The following MCPH1 variants were observed in gnomAD, a reference collection of about 807,000 sequenced individuals.
The protein encoded by MCPH1 is microcephalin.
A neutral mutation model predicts 84.5 loss-of-function variants in MCPH1; 104 were observed. The observed-to-expected ratio is 1.23, with a 90% CI of 1.05 to 1.45. MCPH1 has a LOEUF of 1.45. Among genes scored for constraint, MCPH1 ranks in the 40% most tolerant of loss-of-function variants. MCPH1 has a pLI of 0.00. For missense variants in MCPH1, 1,498 were observed against 1,005.7 expected (o/e 1.49, Z -6.62); for synonymous variants, 514 against 366.8 (o/e 1.40, Z -4.58).
At chr8:6,511,066 C>T (rs1248760858) in intron 12 of MCPH1, among the ~76,000 whole-genome samples, 5 of 152,196 alleles carry the variant, frequency 3.3e-5, no homozygotes, top group African/African-American at 1.2e-4. Context: ...TCTTTTAACT[C>T]TCTCTTGTCT....
At chr8:6,642,428 C>T (rs1192511857) in intron 13 of MCPH1, among the ~76,000 whole-genome samples, 1 of 152,000 alleles carries the variant, frequency 6.6e-6, no homozygotes, top group East Asian at 1.9e-4. Flanking sequence ...ATAAAATAGT[C>T]GAGTTTCAAA....
chr8:6,580,703 G>T (rs1827500583), intron 12 of MCPH1, among the ~76,000 whole-genome samples: 1 of 152,062 alleles, frequency 6.6e-6, no homozygotes, highest in African/African-American at 2.4e-5. Context: ...AGTTGGAGAA[G>T]GACTCGGACA....
chr8:6,507,574 T>C (rs902494469), intron 12 of MCPH1: 4 of 38,350 alleles, frequency 1.0e-4, no homozygotes, highest in African/African-American at 8.1e-4. Context: ...TTTCTTTTCT[T>C]TTTTTTTTTT....
chr8:6,640,728 G>C (rs902434384), intron 13 of MCPH1, among the ~76,000 whole-genome samples: 3 of 152,100 alleles, frequency 2.0e-5, no homozygotes, highest in Non-Finnish European at 2.9e-5. Context: ...ACCTACCCTT[G>C]TGGTTTTGCT....
intron 12 of MCPH1, among the ~76,000 whole-genome samples, chr8:6,609,925 T>C (rs1830124212): frequency 6.6e-6 from 1 of 150,378 alleles, no homozygotes; most frequent in South Asian, 2.1e-4. Flanking sequence ...TCCTTTTTTG[T>C]CTGGATAAGT....
At chr8:6,633,638 C>T (rs909524737) in intron 13 of MCPH1, among the ~76,000 whole-genome samples, 14 of 152,270 alleles carry the variant, frequency 9.2e-5, no homozygotes, top group South Asian at 2.1e-4. Flanking sequence ...CAGCCCCCTT[C>T]AACTATAGTA....
intron 1 of MCPH1, among the ~76,000 whole-genome samples, chr8:6,408,435 T>G (rs962671928): frequency 6.6e-6 from 1 of 152,168 alleles, no homozygotes; most frequent in Admixed American, 6.5e-5. Flanking sequence ...TTGCCTAGGC[T>G]GGTCTTGAAT....
intron 12 of MCPH1, among the ~76,000 whole-genome samples, chr8:6,566,493 A>C (rs1385979047): frequency 6.6e-6 from 1 of 152,262 alleles, no homozygotes; most frequent in East Asian, 1.9e-4. Context: ...TGTGGTCAGC[A>C]AGGCCATGGA....
At chr8:6,577,814 G>T (rs1308979665) in intron 12 of MCPH1, among the ~76,000 whole-genome samples, 7 of 152,244 alleles carry the variant, frequency 4.6e-5, no homozygotes, top group Non-Finnish European at 1.0e-4. Flanking sequence ...AGCCTAGAAA[G>T]ACCTTTAGTA....
intron 12 of MCPH1, among the ~76,000 whole-genome samples, chr8:6,555,732 C>T (rs2959765): frequency 1.3e-5 from 2 of 151,962 alleles, no homozygotes; most frequent in South Asian, 2.1e-4. Context: ...GAAAGTGCTG[C>T]GATTACAGGC....
At chr8:6,418,154 C>G (rs1799589822) in intron 3 of MCPH1, among the ~76,000 whole-genome samples, 1 of 152,212 alleles carries the variant, frequency 6.6e-6, no homozygotes, top group South Asian at 2.1e-4. Context: ...TACCTCATTT[C>G]TCTAGTAGCC....
intron 12 of MCPH1, among the ~76,000 whole-genome samples, chr8:6,614,396 A>G (rs1830591873): frequency 6.6e-6 from 1 of 152,080 alleles, no homozygotes; most frequent in African/African-American, 2.4e-5. Flanking sequence ...CCTCACCCCC[A>G]TCTCCTCCAG....
In MCPH1 at chr8:6,442,143, T is replaced by C. The variant is rs1175715826; in HGVS notation, c.657T>C (p.Asp219=). 6.3e-7 allele frequency: 1 copy of C among 1,584,372 alleles called. No individual in the cohort carries two copies. Among genetic ancestry groups the C allele is most frequent in the Non-Finnish European group, 8.7e-7 (1 of 1,152,984 alleles). The change falls in exon 7 of 14, where the codon GAT becomes GAC. Residue 219 remains aspartate, a synonymous_variant. Coordinates refer to ENST00000344683, the MANE Select transcript of MCPH1 (RefSeq NM_024596.5). ...AAGCACCTTTGAACATTTCACGTGA[T>C]ACTTTGTGTTCAGGTAAAATTTTTA... ...LCEAPLNISR[D]TLCSDEYFAG...
At chr8:6,600,527 C>A (rs1563172533) in intron 12 of MCPH1, among the ~76,000 whole-genome samples, 1 of 152,260 alleles carries the variant, frequency 6.6e-6, no homozygotes, top group Non-Finnish European at 1.5e-5. Context: ...ACAGCAGAGT[C>A]TGAGTGTCTC....
intron 12 of MCPH1, chr8:6,500,942 C>G (rs1366497287): frequency 1.3e-5 from 2 of 152,204 alleles, no homozygotes; most frequent in Non-Finnish European, 2.9e-5. Flanking sequence ...CGTTTCCCTA[C>G]CTAAGTATCC....
intron 12 of MCPH1, among the ~76,000 whole-genome samples, chr8:6,605,318 A>C (rs1411926101): frequency 1.3e-5 from 2 of 151,834 alleles, no homozygotes; most frequent in African/African-American, 4.8e-5. Flanking sequence ...TTCGCTTGGG[A>C]CTCACACTCC....
intron 12 of MCPH1, chr8:6,532,536 A>G (rs778832947): frequency 5.6e-6 from 8 of 1,426,556 alleles, no homozygotes; most frequent in Non-Finnish European, 7.5e-6. Context: ...ATGACCGGAA[A>G]CCTGATTCCT....
chr8:6,643,135 A>G lies in MCPH1; in HGVS notation c.*86A>G, dbSNP rs886063069. 8.0e-5 allele frequency: 95 copies of G among 1,182,248 alleles called. No individual in the cohort carries two copies. Among genetic ancestry groups the G allele is most frequent in the Non-Finnish European group, 1.0e-5 (8 of 795,626 alleles). The allele number at this position is 1,182,248 out of a possible 1,614,324, so 73.2% of individuals were successfully genotyped here. ...AAATGAGAAACAAAACTGTGAAGAGAAGGAACTGGCGTATACAAGATGACT... is the reference window on the plus strand; with the variant it reads ...AAATGAGAAACAAAACTGTGAAGAGGAGGAACTGGCGTATACAAGATGACT... On this transcript the variant is annotated 3_prime_UTR_variant, in exon 14 of 14. Coordinates refer to ENST00000344683, the MANE Select transcript of MCPH1 (RefSeq NM_024596.5).
chr8:6,482,256 GAA>G (rs1259869377), intron 11 of MCPH1, among the ~76,000 whole-genome samples: 12 of 152,180 alleles, frequency 7.9e-5, no homozygotes, highest in Non-Finnish European at 1.6e-4. Flanking sequence ...AATATGGAAA[GAA>G]AAATGGTATG....
Sources: allele counts gnomAD v4.1 joint callset (sites outside exome capture counted in the v4.1 genomes callset), GRCh38; gene constraint gnomAD v4.1.1; transcripts MANE v1.5; gene names NCBI Gene and HGNC (gene_info 2026-07-23, HGNC 2026-07-21).